The following SLC39A6 variants were observed in gnomAD, a reference collection of about 807,000 sequenced individuals.
The protein encoded by SLC39A6 is solute carrier family 39 member 6, also known as zinc transporter ZIP6.
SLC39A6 carries 51 observed loss-of-function variants against 63.5 expected under a neutral mutation model. The ratio of observed to expected loss-of-function variants is 0.80; its 90% confidence interval spans 0.64 to 1.01. The LOEUF is 1.01. Among genes scored for constraint, SLC39A6 ranks in the 50% least tolerant of loss-of-function variants. The pLI is 0.00. For synonymous variants in SLC39A6, 318 were observed against 324.7 expected, an observed-to-expected ratio of 0.98 and a Z score of 0.22; for missense variants, 805 against 927.8, an observed-to-expected ratio of 0.87 and a Z score of 1.72.
intron 7 of SLC39A6, 77 bp from the exon 8 acceptor site, chr18:36,112,658 T>G: frequency 9.3e-7 from 1 of 1,076,448 alleles, no homozygotes; most frequent in Non-Finnish European, 1.4e-6. Flanking sequence ...CAAAATGAGG[T>G]AACAAGAAAA....
rs1265751936 is a variant in SLC39A6, at chr18:36,124,782, T to C, written c.790-82A>G. 2.7e-6 allele frequency: 3 copies of C among 1,100,690 alleles called. No individual in the cohort carries two copies. In the Admixed American group the frequency reaches 8.1e-5, roughly 30 times the overall value. The allele number at this position is 1,100,690 out of a possible 1,614,324, so 68.2% of individuals were successfully genotyped here. A position where few individuals can be genotyped will look rare whatever the true frequency, so the allele number is the denominator to read the frequency against. ...ATGACACAATACCCTTTTTTACTAA[T>C]GCTACTTCGTTTTCTCGAGTTAATG... is the stretch of plus-strand genomic sequence containing the variant. On this transcript the variant is annotated intron_variant, in intron 2 of 9. Transcript: ENST00000269187.
Position 36,111,059 on chromosome 18 carries a change from C to T in SLC39A6, c.2115G>A (p.Met705Ile), listed in dbSNP as rs1256710470. ...GTAATAAGACTTCTTAAAAACTTAC[C>T]ATATCAACCAGAGCAACATACATGA... ...GLFMYVALVD[M>I]VPEMLHNDAS... The change falls in exon 9 of 10, where the codon ATG becomes ATA. Residue 705 changes from methionine (M) to isoleucine (I), a missense_variant and splice_region_variant. Transcript: ENST00000269187. The T allele has an allele frequency of 6.2e-7, 1 of 1,612,798 alleles. No homozygotes were observed. Among genetic ancestry groups the T allele is most frequent in the Non-Finnish European group, 8.5e-7 (1 of 1,179,092 alleles).
chr18:36,116,242 A>C (rs2089344374), intron 6 of SLC39A6, among the ~76,000 whole-genome samples: 2 of 152,198 alleles, frequency 1.3e-5, no homozygotes, highest in Non-Finnish European at 1.5e-5. Flanking sequence ...TTTTCCTAGG[A>C]AACATAAGTA....
Position 36,126,288 on chromosome 18 carries a change from T to G in SLC39A6, c.720A>C (p.Thr240=). The G allele has an allele frequency of 2.5e-6, 4 of 1,614,256 alleles. No individual in the cohort carries two copies. Among genetic ancestry groups the G allele is most frequent in the Non-Finnish European group, 3.4e-6 (4 of 1,180,036 alleles). The change falls in exon 2 of 10, where the codon ACA becomes ACC. Residue 240 remains threonine, a synonymous_variant. Coordinates refer to ENST00000269187, the MANE Select transcript of SLC39A6 (RefSeq NM_012319.4). ...SRVSRLAGRK[T]NESVSEPRKG... ...TTCGGGGCTCACTCACAGATTCATT[T>G]GTTTTCCTACCAGCCAGCCGGCTCA...
intron 5 of SLC39A6, among the ~76,000 whole-genome samples, chr18:36,121,299 G>A (rs562164846): frequency 6.6e-6 from 1 of 152,160 alleles, no homozygotes; most frequent in African/African-American, 2.4e-5. Flanking sequence ...TGAGATTACA[G>A]GCATGCGCCA....
Position 36,109,694 on chromosome 18 carries a change from C to G in SLC39A6, c.2167G>C (p.Gly723Arg). Residue 723 changes from glycine (G) to arginine (R), a missense_variant, in exon 10 of 10, where the codon GGG becomes CGG. Physicochemically the swap from Gly to Arg is moderately radical, Grantham distance 125 (BLOSUM62 -2). Around this residue, in one of 4 missense-constraint regions of SLC39A6, gnomAD observed 145 missense variants for 227.2 expected, o/e 0.64. Coordinates refer to ENST00000269187, the MANE Select transcript of SLC39A6 (RefSeq NM_012319.4). ...DASDHGCSRW[G>R]YFFLQNAGML... Reference sequence around the variant, plus strand: ...CCAGCATTCTGTAAAAAGAAATACCCCCAGCGGCTACATCCATGGTCACTA... The same window carrying G: ...CCAGCATTCTGTAAAAAGAAATACCGCCAGCGGCTACATCCATGGTCACTA... 1 of 1,612,516 alleles carries G rather than the reference C, an allele frequency of 6.2e-7. No homozygotes were observed. Among genetic ancestry groups the G allele is most frequent in the Non-Finnish European group, 8.5e-7 (1 of 1,178,874 alleles).
chr18:36,117,085 A>G (rs1441155576), intron 5 of SLC39A6, among the ~76,000 whole-genome samples: 16 of 152,194 alleles, frequency 1.1e-4, no homozygotes. Context: ...AAAAATACAA[A>G]AATTAGCCGG....
rs914562481 is a variant in SLC39A6 at position 36,124,602 on chromosome 18, G to A, written c.888C>T (p.Asn296=). The change falls in exon 3 of 10, where the codon AAC becomes AAT. Residue 296 remains asparagine, a synonymous_variant. Coordinates refer to ENST00000269187, the MANE Select transcript of SLC39A6 (RefSeq NM_012319.4). ...TCAGACAAGATCTAGCATCAATTTG[G>A]TTGATGATGGCTGGACAGAGATAGT... ...EFNYLCPAII[N]QIDARSCLIH... 6.3e-7 allele frequency: 1 copy of A among 1,597,514 alleles called. No homozygotes were observed. Among genetic ancestry groups the A allele is most frequent in the Admixed American group, 1.7e-5 (1 of 59,872 alleles).
intron 4 of SLC39A6, among the ~76,000 whole-genome samples, chr18:36,123,135 T>G (rs1484941399): frequency 6.6e-6 from 1 of 152,220 alleles, no homozygotes; most frequent in Non-Finnish European, 1.5e-5. Flanking sequence ...ACCTCCAAGT[T>G]TCTTGGGTAC....
At chr18:36,112,670 G>T in intron 7 of SLC39A6, 89 bp from the exon 8 acceptor site, 1 of 974,598 alleles carries the variant, frequency 1.0e-6, no homozygotes, top group Non-Finnish European at 1.6e-6. Context: ...ACAAGAAAAT[G>T]GTATTTTGGC....
chr18:36,110,243 G>T (rs2144495812), intron 9 of SLC39A6, among the ~76,000 whole-genome samples: 1 of 152,160 alleles, frequency 6.6e-6, no homozygotes, highest in South Asian at 2.1e-4. Context: ...CTCCTTTGTT[G>T]ATTAATAAAC....
At chr18:36,110,804 A>G (rs908786974) in intron 9 of SLC39A6, among the ~76,000 whole-genome samples, 1 of 152,106 alleles carries the variant, frequency 6.6e-6, no homozygotes, top group African/African-American at 2.4e-5. Context: ...GGTCTCCCAA[A>G]ATGTTGGACT....
In SLC39A6 at chr18:36,119,556, A is replaced by G. The variant is rs151005841; in HGVS notation, c.1359+2496T>C. On this transcript the variant is annotated intron_variant, in intron 5 of 9. Transcript: ENST00000269187. Reference sequence around the variant, plus strand: ...GTAATGTAAAATAGTAATATATAATATTATTGTTGCATTTAAAAATATTGG... The same window carrying G: ...GTAATGTAAAATAGTAATATATAATGTTATTGTTGCATTTAAAAATATTGG... 2.7e-3 allele frequency among the ~76,000 whole-genome samples: 400 copies of G among 150,930 alleles called. 4 individuals are homozygous for G. Among genetic ancestry groups the G allele is most frequent in the African/African-American group, 9.7e-3 (390 of 40,278 alleles).
chr18:36,128,961 T>A (rs1412640346), intron 1 of SLC39A6, 153 bp downstream of exon 1: 1 of 152,436 alleles, frequency 6.6e-6, no homozygotes, highest in African/African-American at 2.4e-5. Flanking sequence ...AGTGGGCGCC[T>A]GCGGCGGGCT....
chr18:36,129,179 C>CT lies in SLC39A6; in HGVS notation c.-76_-75insA, dbSNP rs950406534. 22 of 153,694 alleles carry CT rather than the reference C, an allele frequency of 1.4e-4. No homozygotes were observed. Among genetic ancestry groups the CT allele is most frequent in the African/African-American group, 5.0e-4 (21 of 41,590 alleles). 9.5% of individuals were successfully genotyped at this position (153,694 alleles called of 1,614,324 possible). ...CAGGTTTGGTTCCACACGGGCGGTCCAGAGGGCTCGGAACGGGCCCACTGG... is the reference window on the plus strand; with the variant it reads ...CAGGTTTGGTTCCACACGGGCGGTCCTAGAGGGCTCGGAACGGGCCCACTGG... On this transcript the variant is annotated 5_prime_UTR_variant, in exon 1 of 10. Coordinates refer to ENST00000269187, the MANE Select transcript of SLC39A6 (RefSeq NM_012319.4).
Position 36,126,523 on chromosome 18 carries a change from T to G in SLC39A6, c.485A>C (p.Gln162Pro), listed in dbSNP as rs1395685561. 6.2e-7 allele frequency: 1 copy of G among 1,614,140 alleles called. No homozygotes were observed. The highest frequency in any genetic ancestry group is 8.5e-7 in the Non-Finnish European group (1 of 1,180,044). The change falls in exon 2 of 10, where the codon CAG (glutamine) becomes CCG (proline). Residue 162 changes from glutamine (Q) to proline (P), a missense_variant. Physicochemically the swap from Gln to Pro is moderately conservative, Grantham distance 76 (BLOSUM62 -1). Coordinates refer to ENST00000269187, the MANE Select transcript of SLC39A6 (RefSeq NM_012319.4). ...DSSGKDPRNS[Q>P]GKGAHRPEHA... is the part of the protein sequence containing the mutation. ...TTCTGGTCGGTGAGCTCCTTTCCCC[T>G]GGCTGTTTCTAGGATCTTTACCTGA... is the stretch of plus-strand genomic sequence containing the variant.
chr18:36,116,173 G>T (rs1178776671), intron 6 of SLC39A6, among the ~76,000 whole-genome samples: 1 of 152,182 alleles, frequency 6.6e-6, no homozygotes, highest in African/African-American at 2.4e-5. Context: ...GAATGGCACT[G>T]TATCAGTATA....
At position 36,126,640 on chromosome 18, in the gene SLC39A6, T is replaced by A; in HGVS notation, c.368A>T (p.His123Leu). Residue 123 changes from histidine to leucine, a missense_variant, in exon 2 of 10, where the codon CAC becomes CTC. His to Leu is a moderately conservative substitution (Grantham distance 99, BLOSUM62 -3). Transcript: ENST00000269187. The stretch of plus-strand genomic sequence containing the variant: ...GTGAGAGTGATGATCATGGTCAGAG[T>A]GATGCTCGTGCTCTGAGTGATGCTC... The part of the protein sequence containing the change: ...DHEHHSEHEH[H>L]SDHDHHSHHN... The A allele has an allele frequency of 6.2e-7, 1 of 1,603,072 alleles. No individual in the cohort carries two copies. The highest frequency in any genetic ancestry group is 1.1e-5 in the South Asian group (1 of 90,002).
intron 2 of SLC39A6, 90 bp from the exon 3 acceptor site, chr18:36,124,790 C>T (rs1037575131): frequency 1.1e-4 from 109 of 1,037,542 alleles, no homozygotes; most frequent in Non-Finnish European, 2.8e-5. Flanking sequence ...AATGCTACTT[C>T]GTTTTCTCGA....
Sources: gnomAD v4.1 joint callset for allele counts (sites outside exome capture counted in the v4.1 genomes callset) on GRCh38, gnomAD v4.1.1 for gene constraint, gnomAD v4.1.1 regional missense constraint, MANE v1.5 for transcripts, NCBI Gene and HGNC (gene_info 2026-07-23, HGNC 2026-07-21) for gene names.